The following C1D variants were observed in gnomAD, a reference collection of about 807,000 sequenced individuals.
C1D encodes nuclear nucleic acid-binding protein C1D.
A neutral mutation model predicts 17.5 loss-of-function variants in C1D; 10 were observed. The observed-to-expected ratio is 0.57, with a 90% confidence interval of 0.35 to 0.97. The LOEUF (loss-of-function observed/expected upper bound fraction) is 0.97. C1D is among the 50% of genes least tolerant of loss of function. C1D has a pLI of 0.01. For synonymous variants in C1D, 49 were observed against 54.0 expected, an observed-to-expected ratio of 0.91 and a Z score of 0.40; for missense variants, 136 against 160.1, an observed-to-expected ratio of 0.85 and a Z score of 0.81.
Position 68,041,935 on chromosome 2 carries a change from C to T in C1D, c.*954G>A, listed in dbSNP as rs1219334469. The T allele has an allele frequency of 6.6e-6, 1 of 151,960 alleles. No individual in the cohort carries two copies. The highest frequency in any genetic ancestry group is 6.6e-5 in the Admixed American group (1 of 15,264). 9.4% of individuals were successfully genotyped at this position (151,960 alleles called of 1,614,324 possible). On this transcript the variant is annotated 3_prime_UTR_variant, in exon 5 of 5. Coordinates refer to ENST00000410067, the MANE Select transcript of C1D (RefSeq NM_173177.3). ...TATTCCAGAAAAATAAACCACAATA[C>T]AAACACAGTGTAATCTCCTTTGGAC...
intron 1 of C1D, chr2:68,053,422 G>A (rs1671344612): frequency 4.4e-6 from 2 of 458,186 alleles, no homozygotes; most frequent in Non-Finnish European, 3.9e-6. Context: ...AAACCTGGGA[G>A]GCACCCCAAA....
intron 1 of C1D, among the ~76,000 whole-genome samples, chr2:68,054,570 G>A (rs1671384048): frequency 6.6e-6 from 1 of 152,104 alleles, no homozygotes; most frequent in African/African-American, 2.4e-5. Flanking sequence ...ATTGATTATG[G>A]ATTTTAATCA....
intron 1 of C1D, among the ~76,000 whole-genome samples, chr2:68,058,527 C>T (rs1360144330): frequency 6.6e-6 from 1 of 152,178 alleles, no homozygotes; most frequent in Non-Finnish European, 1.5e-5. Context: ...ATATTAGCTT[C>T]ACTTTACAGA....
At chr2:68,054,457 A>T (rs1288979312) in intron 1 of C1D, among the ~76,000 whole-genome samples, 2 of 152,156 alleles carry the variant, frequency 1.3e-5, no homozygotes, top group Non-Finnish European at 2.9e-5. Context: ...CTACAAGTGG[A>T]ATTTCTTCTT....
rs975158792 is a variant in C1D, at chr2:68,042,014, T to G, written c.*875A>C. ...ACTTAAGAAGTTGTTCCAAAACACT[T>G]GTATGTACTTGATACAGCCTCAAAA... On this transcript the variant is annotated 3_prime_UTR_variant, in exon 5 of 5. Transcript: ENST00000410067. 6.6e-6 allele frequency: 1 copy of G among 151,974 alleles called. No individual in the cohort carries two copies. Among genetic ancestry groups the G allele is most frequent in the Non-Finnish European group, 1.5e-5 (1 of 67,910 alleles). The allele number at this position is 151,974 out of a possible 1,614,324, so 9.4% of individuals were successfully genotyped here.
At chr2:68,060,299 C>A (rs970808319) in intron 1 of C1D, among the ~76,000 whole-genome samples, 4 of 152,192 alleles carry the variant, frequency 2.6e-5, no homozygotes, top group African/African-American at 9.6e-5. Flanking sequence ...ACCTACCCCA[C>A]CCCACAGCAA....
At chr2:68,051,331 C>G (rs908742973) in intron 1 of C1D, among the ~76,000 whole-genome samples, 1 of 152,020 alleles carries the variant, frequency 6.6e-6, no homozygotes, top group Non-Finnish European at 1.5e-5. Context: ...CCAACCTGGG[C>G]AACATGGCAA....
chr2:68,046,436 AAGAG>A (rs771945369), intron 2 of C1D, 26 bp from the exon 3 acceptor site: 28 of 1,543,034 alleles, frequency 1.8e-5, no homozygotes, highest in African/African-American at 5.5e-5. Context: ...GAGAGAGGGA[AAGAG>A]AGAAAGTGAG....
intron 1 of C1D, among the ~76,000 whole-genome samples, chr2:68,050,393 T>C (rs1405828870): frequency 1.3e-5 from 2 of 152,156 alleles, no homozygotes; most frequent in Non-Finnish European, 2.9e-5. Context: ...GAGATGCTTA[T>C]ACTAACAGTC....
At chr2:68,060,946 G>A (rs9807974) in intron 1 of C1D, among the ~76,000 whole-genome samples, 2 of 151,932 alleles carry the variant, frequency 1.3e-5, no homozygotes, top group Non-Finnish European at 2.9e-5. Context: ...AACCTAAGAC[G>A]TAATTTTGGA....
chr2:68,043,154 T>C, intron 4 of C1D, 101 bp from the exon 5 acceptor site: 1 of 857,134 alleles, frequency 1.2e-6, no homozygotes, highest in Non-Finnish European at 1.8e-6. Context: ...TATATGTATT[T>C]ATTGCCTATT....
At chr2:68,044,973 G>A (rs896360366) in intron 4 of C1D, among the ~76,000 whole-genome samples, 1 of 152,122 alleles carries the variant, frequency 6.6e-6, no homozygotes, top group African/African-American at 2.4e-5. Context: ...GTTTAAAGCC[G>A]TATCACTGGT....
In C1D at chr2:68,041,723, T is replaced by A. The variant is rs994898823; in HGVS notation, c.*1166A>T. ...AAATCCATTTATTCAAGGTTACTTA[T>A]GGAGAATTAATCACACAGAAAATTT... On this transcript the variant is annotated 3_prime_UTR_variant, in exon 5 of 5. Transcript: ENST00000410067. 3 of 152,070 alleles carry A rather than the reference T, an allele frequency of 2.0e-5. No individual in the cohort carries two copies. Among genetic ancestry groups the A allele is most frequent in the Non-Finnish European group, 2.9e-5 (2 of 67,896 alleles). The allele number at this position is 152,070 out of a possible 1,614,324, so 9.4% of individuals were successfully genotyped here.
chr2:68,059,198 C>T lies in C1D; in HGVS notation c.-10+3760G>A, dbSNP rs79244636. On this transcript the variant is annotated intron_variant, in intron 1 of 4. Coordinates refer to ENST00000410067, the MANE Select transcript of C1D (RefSeq NM_173177.3). ...GAGCTTCCATGTTCTTTTAAACAAC[C>T]GGCTCTAGGAGTGAACTAATAGAGT... Among the ~76,000 whole-genome samples the T allele has an allele frequency of 6.8e-3, 1,033 of 152,208 alleles. 8 individuals are homozygous for T. The highest frequency in any genetic ancestry group is 0.023 in the African/African-American group (965 of 41,528).
At chr2:68,062,526 G>C (rs1476683956) in intron 1 of C1D, among the ~76,000 whole-genome samples, 2 of 152,132 alleles carry the variant, frequency 1.3e-5, no homozygotes, top group African/African-American at 4.8e-5. Context: ...AATGATAAAC[G>C]GAGCTAACAC....
At chr2:68,046,937 C>T (rs1049307523) in intron 2 of C1D, among the ~76,000 whole-genome samples, 5 of 143,476 alleles carry the variant, frequency 3.5e-5, no homozygotes, top group African/African-American at 1.2e-4. Context: ...AAAAGAATAC[C>T]GTGAGTGCTC....
intron 4 of C1D, among the ~76,000 whole-genome samples, chr2:68,043,822 C>G (rs1364575949): frequency 6.6e-6 from 1 of 152,182 alleles, no homozygotes; most frequent in African/African-American, 2.4e-5. Context: ...AATGCAGAAT[C>G]TTAAAATGTT....
chr2:68,062,060 G>A (rs1023216931), intron 1 of C1D, among the ~76,000 whole-genome samples: 4 of 152,120 alleles, frequency 2.6e-5, no homozygotes, highest in African/African-American at 9.7e-5. Flanking sequence ...AAGTATAACT[G>A]GATTGTTTGT....
At chr2:68,051,853 T>G (rs1005774032) in intron 1 of C1D, among the ~76,000 whole-genome samples, 3 of 151,918 alleles carry the variant, frequency 2.0e-5, no homozygotes, top group African/African-American at 7.3e-5. Flanking sequence ...CCCTATCTCC[T>G]CCCCAACCTT....
Sources: allele counts gnomAD v4.1 joint callset (sites outside exome capture counted in the v4.1 genomes callset), GRCh38; gene constraint gnomAD v4.1.1; transcripts MANE v1.5; gene names NCBI Gene and HGNC (gene_info 2026-07-23, HGNC 2026-07-21).